TCF12: variants seen among roughly 807,000 people sequenced by gnomAD.
TCF12 encodes the protein DNA-binding protein HTF4.
TCF12 carries 45 observed loss-of-function variants against 86.0 expected under a neutral mutation model. The ratio of observed to expected loss-of-function variants is 0.52; its 90% CI spans 0.41 to 0.67. TCF12 has a LOEUF of 0.67. Among genes scored for constraint, TCF12 ranks in the 30% least tolerant of loss-of-function variants. The pLI, the probability that TCF12 is intolerant of heterozygous loss-of-function variation, is 0.00. For missense variants in TCF12, 881 were observed against 859.9 expected, an observed-to-expected ratio of 1.02 and a Z score of -0.31; for synonymous variants, 330 against 299.6, an observed-to-expected ratio of 1.10 and a Z score of -1.05.
At chr15:57,232,617 G>A (rs1186571240) in intron 10 of TCF12, 95 bp from the exon 11 acceptor site, 3 of 1,464,234 alleles carry the variant, frequency 2.0e-6, no homozygotes, top group African/African-American at 1.4e-5. Flanking sequence ...GCTGTAACTT[G>A]TAAATGCTCT....
At chr15:57,257,468 G>C (rs2060394998) in intron 16 of TCF12, among the ~76,000 whole-genome samples, 2 of 151,900 alleles carry the variant, frequency 1.3e-5, no homozygotes, top group African/African-American at 4.8e-5. Context: ...AACCAACCTG[G>C]ACAACAAAGT....
At chr15:57,035,943 T>C (rs2066480319) in intron 3 of TCF12, among the ~76,000 whole-genome samples, 1 of 152,128 alleles carries the variant, frequency 6.6e-6, no homozygotes, top group Admixed American at 6.5e-5. Flanking sequence ...CCAAACCCTA[T>C]TGTGAACTGT....
At chr15:56,973,001 TGTG>T (rs1189648209) in intron 3 of TCF12, among the ~76,000 whole-genome samples, 1 of 152,160 alleles carries the variant, frequency 6.6e-6, no homozygotes, top group Non-Finnish European at 1.5e-5. Context: ...AACTATGTTC[TGTG>T]GTATACCAGG....
At chr15:57,231,995 C>T (rs1291283878) in intron 9 of TCF12, among the ~76,000 whole-genome samples, 1 of 152,122 alleles carries the variant, frequency 6.6e-6, no homozygotes, top group African/African-American at 2.4e-5. Context: ...TAAATCTAGC[C>T]TATTCCCAAA....
chr15:57,114,354 G>A (rs1440775160), intron 5 of TCF12, among the ~76,000 whole-genome samples: 1 of 152,146 alleles, frequency 6.6e-6, no homozygotes, highest in African/African-American at 2.4e-5. Flanking sequence ...GCAGTGGCAT[G>A]ATCGTGGCTT....
At chr15:56,986,547 A>G (rs544589981) in intron 3 of TCF12, among the ~76,000 whole-genome samples, 62 of 152,274 alleles carry the variant, frequency 4.1e-4, no homozygotes, top group Middle Eastern at 3.4e-3. Flanking sequence ...CCTACTATTT[A>G]TTATGGCAGA....
chr15:57,264,981 C>T (rs894318572), intron 18 of TCF12, among the ~76,000 whole-genome samples: 14 of 151,952 alleles, frequency 9.2e-5, no homozygotes, highest in Non-Finnish European at 1.5e-5. Flanking sequence ...CTGCCCACCT[C>T]GGCCTTCCAA....
intron 4 of TCF12, among the ~76,000 whole-genome samples, chr15:57,069,991 C>T (rs1947998977): frequency 6.6e-6 from 1 of 152,130 alleles, no homozygotes; most frequent in South Asian, 2.1e-4. Context: ...TGACTCTGAG[C>T]AAGTTATGTG....
intron 4 of TCF12, among the ~76,000 whole-genome samples, chr15:57,086,715 A>C (rs866960127): frequency 0.011 from 1,697 of 151,232 alleles, 30 homozygotes; most frequent in African/African-American, 0.038. Flanking sequence ...TAAAAAAAAA[A>C]AAAAAAAAAA....
intron 3 of TCF12, among the ~76,000 whole-genome samples, chr15:56,972,845 G>C (rs1311151232): frequency 6.6e-6 from 1 of 152,122 alleles, no homozygotes; most frequent in East Asian, 1.9e-4. Context: ...AGTTATGGAG[G>C]GGAGGGGAAC....
intron 19 of TCF12, among the ~76,000 whole-genome samples, chr15:57,280,287 C>T (rs1368486683): frequency 1.3e-5 from 2 of 152,136 alleles, no homozygotes; most frequent in Non-Finnish European, 2.9e-5. Context: ...ATATTTTTTG[C>T]ATAATGATGA....
chr15:57,135,618 G>T (rs2052465366), intron 5 of TCF12, among the ~76,000 whole-genome samples: 6 of 152,142 alleles, frequency 3.9e-5, no homozygotes. Context: ...AATTGGATTT[G>T]TAAGATTTGA....
intron 8 of TCF12, among the ~76,000 whole-genome samples, chr15:57,208,598 A>G (rs2057965820): frequency 6.6e-6 from 1 of 151,158 alleles, no homozygotes; most frequent in Admixed American, 6.6e-5. Flanking sequence ...TTGCCCAGGC[A>G]GGTCTCGAAC....
chr15:56,932,147 A>G (rs1192901670), intron 3 of TCF12, among the ~76,000 whole-genome samples: 3 of 152,198 alleles, frequency 2.0e-5, no homozygotes, highest in Admixed American at 2.0e-4. Context: ...GACTTTGTCC[A>G]CTGAATGATT....
chr15:56,935,721 C>T (rs1029950048), intron 3 of TCF12, among the ~76,000 whole-genome samples: 4 of 152,100 alleles, frequency 2.6e-5, no homozygotes, highest in East Asian at 1.9e-4. Flanking sequence ...TGAGAACATA[C>T]GTTGTTTGGT....
chr15:57,109,786 C>T (rs1367181723), intron 5 of TCF12, among the ~76,000 whole-genome samples: 1 of 152,148 alleles, frequency 6.6e-6, no homozygotes, highest in East Asian at 1.9e-4. Context: ...ATTAGATATT[C>T]TTATCTGAAT....
At chr15:57,060,675 A>C (rs564993500) in intron 3 of TCF12, among the ~76,000 whole-genome samples, 96 of 152,386 alleles carry the variant, frequency 6.3e-4, no homozygotes, top group African/African-American at 2.3e-3. Context: ...ATGATAATTC[A>C]GAAATAACAG....
rs908829327 is a variant in TCF12 at position 56,919,627 on chromosome 15, C to T, written c.-22-265C>T. On this transcript the variant is annotated intron_variant, in intron 1 of 20. Coordinates refer to ENST00000333725, the MANE Select transcript of TCF12 (RefSeq NM_207037.2). ...GCCGAGGAGGTGGCAGAGACTGGCT[C>T]GGAAACTTGGGGGAGAGGCGGCGAG... The T allele has an allele frequency of 3.1e-5, 9 of 285,784 alleles. No homozygotes were observed. In the East Asian group the frequency reaches 3.9e-4, roughly 12 times the overall value. 17.7% of individuals were successfully genotyped at this position (285,784 alleles called of 1,614,324 possible). A position where few individuals can be genotyped will look rare whatever the true frequency, so the allele number is the denominator to read the frequency against.
chr15:57,187,590 G>A (rs540721641), intron 6 of TCF12, among the ~76,000 whole-genome samples: 5 of 152,210 alleles, frequency 3.3e-5, no homozygotes, highest in East Asian at 3.9e-4. Flanking sequence ...ATTCAAAGCC[G>A]TCCTGGGCCA....
Sources: allele counts gnomAD v4.1 joint callset (sites outside exome capture counted in the v4.1 genomes callset), GRCh38; gene constraint gnomAD v4.1.1; transcripts MANE v1.5; gene names NCBI Gene and HGNC (gene_info 2026-07-23, HGNC 2026-07-21).